The following STRA8 variants were observed in gnomAD, a reference collection of about 807,000 sequenced individuals.
The protein encoded by STRA8 is stimulated by retinoic acid gene 8 protein homolog.
A neutral mutation model predicts 37.1 loss-of-function variants in STRA8; 18 were observed. The ratio of observed to expected loss-of-function variants is 0.48; its 90% confidence interval spans 0.34 to 0.72. The LOEUF (loss-of-function observed/expected upper bound fraction) is 0.72. Ranked by LOEUF, STRA8 falls within the 30% of genes least tolerant of loss-of-function variation. The probability of loss-of-function intolerance (pLI) is 0.01; values close to 1 mark genes in which losing one functional copy is unlikely to be tolerated. For missense variants in STRA8, 357 were observed against 410.4 expected (o/e 0.87, Z 1.13); for synonymous variants, 168 against 162.9 (o/e 1.03, Z -0.24).
At chr7:135,231,920 T>C, upstream of STRA8, 2 of 1,465,638 alleles carry the variant, frequency 1.4e-6, no homozygotes, top group Non-Finnish European at 9.6e-7. Context: ...TATCCAGAGC[T>C]AGTGAGAGGC....
At chr7:135,248,116 T>C (rs2097420992) in intron 6 of STRA8, among the ~76,000 whole-genome samples, 1 of 152,192 alleles carries the variant, frequency 6.6e-6, no homozygotes, top group Admixed American at 6.5e-5. Flanking sequence ...CGTCCGATTG[T>C]CTCTGACCCT....
Position 135,245,436 on chromosome 7 carries a change from G to A in STRA8, c.502G>A (p.Glu168Lys), listed in dbSNP as rs1371661993. The A allele has an allele frequency of 6.6e-6, 5 of 756,444 alleles. No homozygotes were observed. The Admixed American group carries it at 9.0e-5, about 14-fold the overall frequency. 46.9% of individuals were successfully genotyped at this position (756,444 alleles called of 1,614,324 possible). ...AGAAGAAGAGGAGGAGGAGGAAGAG[G>A]AGGAAGAGGAAGAGGAGGAGGAGGA... ...EEEEEEEEEE[E>K]EEEEEEEEEE... The change falls in exon 5 of 9, where the codon GAG becomes AAG. Residue 168 changes from glutamate (E) to lysine (K), a missense_variant. By Grantham distance (56) the Glu-to-Lys change is moderately conservative (BLOSUM62 1). Transcript: ENST00000662584.
intron 8 of STRA8, among the ~76,000 whole-genome samples, chr7:135,256,885 G>A (rs115367523): frequency 2.8e-3 from 430 of 152,230 alleles, no homozygotes; most frequent in African/African-American, 9.4e-3. Flanking sequence ...CTGCAAGAAC[G>A]GGCCCCAGAA....
chr7:135,255,276 CA>C, intron 8 of STRA8, 51 bp downstream of exon 8: 2 of 1,427,800 alleles, frequency 1.4e-6, no homozygotes, highest in Non-Finnish European at 2.0e-6. Flanking sequence ...GCTTAGATAG[CA>C]AAAAGGGCTC....
At chr7:135,258,350 C>T (rs1395011708) in intron 8 of STRA8, 68 bp from the exon 9 acceptor site, 2 of 1,345,730 alleles carry the variant, frequency 1.5e-6, no homozygotes, top group African/African-American at 1.4e-5. Context: ...ATGCAGGAGC[C>T]TTCCTATCTG....
chr7:135,258,578 T>TGG lies in STRA8; in HGVS notation c.*86_*87insGG. 1.8e-6 allele frequency: 2 copies of TGG among 1,126,974 alleles called. No individual in the cohort carries two copies. The highest frequency in any genetic ancestry group is 1.3e-6 in the Non-Finnish European group (1 of 772,002). 69.8% of individuals were successfully genotyped at this position (1,126,974 alleles called of 1,614,324 possible). A position where few individuals can be genotyped will look rare whatever the true frequency, so the allele number is the denominator to read the frequency against. On this transcript the variant is annotated 3_prime_UTR_variant, in exon 9 of 9. Transcript: ENST00000662584. ...GCTGGCAGCTAAGGTTGCACCTGCC[T>TGG]TGGCCTCCAGGACTCTTTGGAGTGG...
At chr7:135,243,727 A>T (rs1166034145) in intron 4 of STRA8, among the ~76,000 whole-genome samples, 3 of 152,268 alleles carry the variant, frequency 2.0e-5, no homozygotes, top group Non-Finnish European at 2.9e-5. Flanking sequence ...TCAAGTTTTT[A>T]AAAAATGTTG....
chr7:135,258,625 T>C lies in STRA8; in HGVS notation c.*133T>C. ...GTGGGTTGTTCCAGAAGCATTTTGA[T>C]GATTTTAGTTTCTGATTATTATAAA... On this transcript the variant is annotated 3_prime_UTR_variant, in exon 9 of 9. Transcript: ENST00000662584. 1.5e-6 allele frequency: 1 copy of C among 668,970 alleles called. No homozygotes were observed. The highest frequency in any genetic ancestry group is 2.6e-6 in the Non-Finnish European group (1 of 391,012). The allele number at this position is 668,970 out of a possible 1,614,324, so 41.4% of individuals were successfully genotyped here.
upstream of STRA8, chr7:135,232,115 TG>T: frequency 3.1e-6 from 3 of 980,780 alleles, no homozygotes; most frequent in Non-Finnish European, 4.7e-6. Flanking sequence ...TGTGTGGCAG[TG>T]GTTGGGGCGG....
At chr7:135,258,346 GA>G in intron 8 of STRA8, 71 bp from the exon 9 acceptor site, 1 of 1,285,334 alleles carries the variant, frequency 7.8e-7, no homozygotes, top group Non-Finnish European at 1.1e-6. Flanking sequence ...GGAGATGCAG[GA>G]GCCTTCCTAT....
At chr7:135,245,021 G>T (rs573110223) in intron 4 of STRA8, among the ~76,000 whole-genome samples, 1 of 152,100 alleles carries the variant, frequency 6.6e-6, no homozygotes, top group Non-Finnish European at 1.5e-5. Flanking sequence ...ATCATGCATG[G>T]ATGTTGATTT....
intron 7 of STRA8, among the ~76,000 whole-genome samples, chr7:135,254,685 C>G (rs747326396): frequency 5.3e-5 from 8 of 152,218 alleles, no homozygotes; most frequent in Non-Finnish European, 1.0e-4. Flanking sequence ...CAACAGGCCT[C>G]CTTTCTGCAC....
upstream of STRA8, among the ~76,000 whole-genome samples, chr7:135,232,454 A>AT (rs1440785999): frequency 6.6e-6 from 1 of 151,810 alleles, no homozygotes; most frequent in Non-Finnish European, 1.5e-5. Context: ...AACATTTTAA[A>AT]TTTTCCTAGA....
intron 1 of STRA8, among the ~76,000 whole-genome samples, chr7:135,235,856 G>A (rs956444908): frequency 6.6e-6 from 1 of 152,140 alleles, no homozygotes; most frequent in African/African-American, 2.4e-5. Context: ...TGCCTGTAAA[G>A]CCAGCACTTT....
chr7:135,246,321 C>A lies in STRA8; in HGVS notation c.594-96C>A. 6.6e-7 allele frequency: 1 copy of A among 1,508,046 alleles called. No homozygotes were observed. Among genetic ancestry groups the A allele is most frequent in the Non-Finnish European group, 9.0e-7 (1 of 1,110,648 alleles). 93.4% of individuals were successfully genotyped at this position (1,508,046 alleles called of 1,614,324 possible). ...GCCCTGGTGAGCCGTGGCGCCGTGGCCGGGCCTGCGTGCTGGGGTCCACAC... is the reference window on the plus strand; with the variant it reads ...GCCCTGGTGAGCCGTGGCGCCGTGGACGGGCCTGCGTGCTGGGGTCCACAC... On this transcript the variant is annotated intron_variant, in intron 5 of 8. Transcript: ENST00000662584. This position sits in a 1 kb window ranked among gnomAD's most constrained non-coding sequence, Gnocchi z 5.4.
At position 135,251,943 on chromosome 7, in the gene STRA8, T is replaced by C. The variant is rs1832640788; in HGVS notation, c.953+74T>C. On this transcript the variant is annotated intron_variant, in intron 7 of 8. Transcript: ENST00000662584. Reference sequence around the variant, plus strand: ...GAGATTGTGTGTGCGCAGGTGTGTATGTGTGAGTTTGCATGTGCATGAATG... The same window carrying C: ...GAGATTGTGTGTGCGCAGGTGTGTACGTGTGAGTTTGCATGTGCATGAATG... 7.8e-6 allele frequency: 11 copies of C among 1,408,092 alleles called. No individual in the cohort carries two copies. The Middle Eastern group carries it at 1.1e-3, about 141-fold the overall frequency. The allele number at this position is 1,408,092 out of a possible 1,614,324, so 87.2% of individuals were successfully genotyped here. A position where few individuals can be genotyped will look rare whatever the true frequency, so the allele number is the denominator to read the frequency against.
rs889435603 is a variant in STRA8 at position 135,258,612 on chromosome 7, A to G, written c.*120A>G. On this transcript the variant is annotated 3_prime_UTR_variant, in exon 9 of 9. Coordinates refer to ENST00000662584, the MANE Select transcript of STRA8 (RefSeq NM_001394401.1). ...AGGACTCTTTGGAGTGGGTTGTTCC[A>G]GAAGCATTTTGATGATTTTAGTTTC... The G allele has an allele frequency of 5.5e-6, 4 of 724,282 alleles. No individual in the cohort carries two copies. In the South Asian group the frequency reaches 5.6e-5, roughly 10 times the overall value. 44.9% of individuals were successfully genotyped at this position (724,282 alleles called of 1,614,324 possible).
chr7:135,252,318 C>CAG (rs1393991839), intron 7 of STRA8, among the ~76,000 whole-genome samples: 10 of 152,070 alleles, frequency 6.6e-5, no homozygotes, highest in African/African-American at 2.4e-4. Flanking sequence ...TTCAAATAAC[C>CAG]AGATCTTGTG....
At position 135,240,545 on chromosome 7, in the gene STRA8, C is replaced by G. The variant is rs1471465556; in HGVS notation, c.21C>G (p.Asn7Lys). The stretch of plus-strand genomic sequence containing the variant: ...TTATAATGGCAACCCCTGAAGAAAA[C>G]AGCAATCCCCATGACAGAGCAACAC... MATPEE[N>K]SNPHDRATPQ... Residue 7 changes from asparagine (N) to lysine (K), a missense_variant, in exon 2 of 9, where the codon AAC becomes AAG. By Grantham distance (94) the Asn-to-Lys change is moderately conservative. Coordinates refer to ENST00000662584, the MANE Select transcript of STRA8 (RefSeq NM_001394401.1). The G allele has an allele frequency of 6.2e-7, 1 of 1,613,706 alleles. No homozygotes were observed. The highest frequency in any genetic ancestry group is 8.5e-7 in the Non-Finnish European group (1 of 1,179,956).
Sources: gnomAD v4.1 joint callset for allele counts (sites outside exome capture counted in the v4.1 genomes callset) on GRCh38, gnomAD v4.1.1 for gene constraint, Gnocchi (gnomAD v3.1) non-coding constraint, MANE v1.5 for transcripts, NCBI Gene and HGNC (gene_info 2026-07-23, HGNC 2026-07-21) for gene names.